Variants in FSIP1 observed in about 807,000 individuals in gnomAD.
FSIP1 encodes fibrous sheath interacting protein 1, also known as fibrous sheath-interacting protein 1.
A neutral mutation model predicts 60.9 loss-of-function variants in FSIP1; 65 were observed. That is an observed-to-expected ratio of 1.07 (90% CI 0.87 to 1.31). The LOEUF (loss-of-function observed/expected upper bound fraction) is 1.31, where lower values mean the gene tolerates loss of function less well. Ranked by LOEUF, FSIP1 falls within the 40% of genes most tolerant of loss-of-function variation. FSIP1 has a pLI of 0.00. For synonymous variants in FSIP1, 209 were observed against 221.2 expected (o/e 0.94, Z 0.49); for missense variants, 675 against 665.5 (o/e 1.01, Z -0.16).
At chr15:39,736,263 C>G (rs762954385) in intron 8 of FSIP1, among the ~76,000 whole-genome samples, 1 of 152,238 alleles carries the variant, frequency 6.6e-6, no homozygotes, top group African/African-American at 2.4e-5. Flanking sequence ...TCACCCACCC[C>G]TTTCCCCTAC....
chr15:39,637,689 G>A (rs550670959), intron 10 of FSIP1, among the ~76,000 whole-genome samples: 13 of 152,232 alleles, frequency 8.5e-5, no homozygotes, highest in African/African-American at 3.1e-4. Context: ...CTGAATAGTG[G>A]AACTTCCTAG....
chr15:39,732,860 T>C (rs1896462874), intron 8 of FSIP1, among the ~76,000 whole-genome samples: 1 of 152,140 alleles, frequency 6.6e-6, no homozygotes. Context: ...TTCGGTATGA[T>C]TTGAGAATAT....
At chr15:39,607,343 C>T (rs1042008221) in intron 11 of FSIP1, among the ~76,000 whole-genome samples, 1 of 152,194 alleles carries the variant, frequency 6.6e-6, no homozygotes, top group African/African-American at 2.4e-5. Context: ...GCTGCCCACC[C>T]GGATCATGAC....
chr15:39,707,479 T>C (rs1194525542), intron 10 of FSIP1, among the ~76,000 whole-genome samples: 2 of 152,038 alleles, frequency 1.3e-5, no homozygotes, highest in Admixed American at 1.3e-4. Flanking sequence ...TTCCTTTCTT[T>C]CACCCCAAGT....
At chr15:39,666,373 A>G (rs1260290565) in intron 10 of FSIP1, among the ~76,000 whole-genome samples, 2 of 152,224 alleles carry the variant, frequency 1.3e-5, no homozygotes, top group East Asian at 3.8e-4. Flanking sequence ...TATTCCTATT[A>G]TGATTTCAAT....
downstream of FSIP1, chr15:39,599,541 CTT>C (rs1427379135): frequency 3.0e-5 from 4 of 131,722 alleles, no homozygotes; most frequent in African/African-American, 1.2e-4. Context: ...CCTCCTCCTT[CTT>C]TCTCTCTCTC....
chr15:39,709,152 A>C (rs984407572), intron 10 of FSIP1, among the ~76,000 whole-genome samples: 23 of 152,206 alleles, frequency 1.5e-4, no homozygotes, highest in African/African-American at 5.5e-4. Flanking sequence ...AGTAACCCCC[A>C]GGGTTCCTAT....
At chr15:39,764,066 G>C (rs1897596139) in intron 4 of FSIP1, 152 bp from the exon 5 acceptor site, 2 of 571,368 alleles carry the variant, frequency 3.5e-6, no homozygotes, top group South Asian at 4.6e-5. Context: ...AATCTCCTCT[G>C]TTCTCACAAA....
intron 10 of FSIP1, among the ~76,000 whole-genome samples, chr15:39,643,633 ATTCTGGAGC>A (rs1489966270): frequency 4.6e-5 from 7 of 152,372 alleles, no homozygotes; most frequent in Non-Finnish European, 1.0e-4. Context: ...GCCTGAATTT[ATTCTGGAGC>A]TTCTAGATAT....
At chr15:39,771,417 T>A (rs1046989574) in intron 2 of FSIP1, among the ~76,000 whole-genome samples, 1 of 152,180 alleles carries the variant, frequency 6.6e-6, no homozygotes, top group Non-Finnish European at 1.5e-5. Context: ...CTGCACCACA[T>A]GTTCAACTCT....
At chr15:39,775,160 C>T (rs914409934) in intron 2 of FSIP1, among the ~76,000 whole-genome samples, 3 of 152,164 alleles carry the variant, frequency 2.0e-5, no homozygotes, top group Non-Finnish European at 2.9e-5. Context: ...GGACTACAGG[C>T]ATGTGCCACC....
chr15:39,714,183 C>T (rs576266612), intron 9 of FSIP1, among the ~76,000 whole-genome samples: 2 of 152,082 alleles, frequency 1.3e-5, no homozygotes, highest in Non-Finnish European at 2.9e-5. Context: ...AATCTTAATG[C>T]CAAACAAATG....
At chr15:39,640,059 G>T (rs983662733) in intron 10 of FSIP1, among the ~76,000 whole-genome samples, 1 of 152,132 alleles carries the variant, frequency 6.6e-6, no homozygotes, top group Non-Finnish European at 1.5e-5. Flanking sequence ...AATACTTAAC[G>T]TGTAAAACAA....
intron 10 of FSIP1, among the ~76,000 whole-genome samples, chr15:39,625,288 G>C (rs1350399422): frequency 3.9e-5 from 6 of 152,096 alleles, no homozygotes; most frequent in Non-Finnish European, 8.8e-5. Flanking sequence ...GAGAGAGGTG[G>C]GCTGCCAGCG....
At chr15:39,633,450 A>G (rs1891995903) in intron 10 of FSIP1, among the ~76,000 whole-genome samples, 1 of 152,158 alleles carries the variant, frequency 6.6e-6, no homozygotes, top group Non-Finnish European at 1.5e-5. Flanking sequence ...TTATTCGTAA[A>G]ATGCATTTCT....
chr15:39,679,433 T>C (rs950368033), intron 10 of FSIP1, among the ~76,000 whole-genome samples: 1 of 152,146 alleles, frequency 6.6e-6, no homozygotes, highest in Non-Finnish European at 1.5e-5. Flanking sequence ...CCTTGGAATC[T>C]AACTTAAAAA....
intron 11 of FSIP1, among the ~76,000 whole-genome samples, chr15:39,612,447 A>T (rs945393892): frequency 6.6e-6 from 1 of 152,192 alleles, no homozygotes; most frequent in African/African-American, 2.4e-5. Flanking sequence ...TTTTGAGACA[A>T]ACAAAAATGG....
At chr15:39,736,158 A>T (rs547624992) in intron 8 of FSIP1, among the ~76,000 whole-genome samples, 307 of 152,366 alleles carry the variant, frequency 2.0e-3, no homozygotes, top group African/African-American at 6.9e-3. Flanking sequence ...TCATGTATGC[A>T]TGTTGACCAA....
chr15:39,714,905 C>T (rs1166566354), intron 9 of FSIP1, among the ~76,000 whole-genome samples: 1 of 142,632 alleles, frequency 7.0e-6, no homozygotes, highest in Admixed American at 7.6e-5. Flanking sequence ...CCTGGGAGGT[C>T]GAGGCTGCAG....
Sources: allele counts gnomAD v4.1 joint callset (sites outside exome capture counted in the v4.1 genomes callset), GRCh38; gene constraint gnomAD v4.1.1; transcripts MANE v1.5; gene names NCBI Gene and HGNC (gene_info 2026-07-23, HGNC 2026-07-21).